CMIP: variants seen among roughly 807,000 people sequenced by gnomAD.
The protein encoded by CMIP is C-Maf-inducing protein.
A neutral mutation model predicts 97.3 loss-of-function variants in CMIP; 13 were observed. The ratio of observed to expected loss-of-function variants is 0.13; its 90% CI spans 0.09 to 0.21. The LOEUF (loss-of-function observed/expected upper bound fraction) is 0.21, where lower values mean the gene tolerates loss of function less well. Among genes scored for constraint, CMIP ranks in the 10% least tolerant of loss-of-function variants. The pLI, the probability that CMIP is intolerant of heterozygous loss-of-function variation, is 1.00. For synonymous variants in CMIP, 538 were observed against 436.3 expected (o/e 1.23, Z -2.91); for missense variants, 847 against 1,024.9 (o/e 0.83, Z 2.37).
intron 1 of CMIP, among the ~76,000 whole-genome samples, chr16:81,567,925 T>G (rs2091011367): frequency 6.6e-6 from 1 of 152,116 alleles, no homozygotes; most frequent in Admixed American, 6.5e-5. Context: ...TAATGTTTCA[T>G]TCTCCAGGCT....
intron 1 of CMIP, among the ~76,000 whole-genome samples, chr16:81,449,109 C>T (rs1906048046): frequency 6.6e-6 from 1 of 152,248 alleles, no homozygotes; most frequent in Non-Finnish European, 1.5e-5. Flanking sequence ...GTTTCTTCTG[C>T]ACCACAGAAG....
intron 1 of CMIP, among the ~76,000 whole-genome samples, chr16:81,604,626 G>A (rs1033121665): frequency 2.0e-5 from 3 of 152,078 alleles, no homozygotes; most frequent in African/African-American, 7.2e-5. Context: ...CTTGAACACG[G>A]GAGGCAGAAG....
At chr16:81,546,734 G>C (rs1342429018) in intron 1 of CMIP, among the ~76,000 whole-genome samples, 2 of 152,320 alleles carry the variant, frequency 1.3e-5, no homozygotes, top group South Asian at 2.1e-4. Context: ...TCTTGTTCAG[G>C]GGGTGTGGAG....
At chr16:81,461,643 A>G (rs1906902484) in intron 1 of CMIP, among the ~76,000 whole-genome samples, 1 of 152,104 alleles carries the variant, frequency 6.6e-6, no homozygotes, top group African/African-American at 2.4e-5. Context: ...ATTTTTTTGA[A>G]GCCTTCTCCA....
chr16:81,647,152 G>A (rs1052544464), intron 3 of CMIP, among the ~76,000 whole-genome samples: 2 of 152,276 alleles, frequency 1.3e-5, no homozygotes, highest in East Asian at 1.9e-4. Context: ...AGCCATCCTC[G>A]TAGGACGAAG....
intron 1 of CMIP, among the ~76,000 whole-genome samples, chr16:81,469,602 C>T (rs1907404561): frequency 6.6e-6 from 1 of 152,156 alleles, no homozygotes; most frequent in Admixed American, 6.5e-5. Context: ...GAGGGCTTCC[C>T]AGGGCAGGTG....
chr16:81,583,262 G>A (rs1467684522), intron 1 of CMIP, among the ~76,000 whole-genome samples: 3 of 152,232 alleles, frequency 2.0e-5, no homozygotes, highest in Middle Eastern at 3.2e-3. Context: ...TGGGCCTCAT[G>A]TCTGTGCGAA....
intron 1 of CMIP, among the ~76,000 whole-genome samples, chr16:81,593,953 C>T (rs940060084): frequency 1.5e-4 from 22 of 150,148 alleles, no homozygotes; most frequent in African/African-American, 5.2e-4. Flanking sequence ...CTTACCTTCC[C>T]CCTACCATAC....
At chr16:81,681,283 C>G (rs981829201) in intron 10 of CMIP, among the ~76,000 whole-genome samples, 5 of 152,244 alleles carry the variant, frequency 3.3e-5, no homozygotes, top group Admixed American at 6.5e-5. Flanking sequence ...AAGTTGCTGG[C>G]TCATTGGAGG....
intron 1 of CMIP, among the ~76,000 whole-genome samples, chr16:81,526,863 T>C (rs2090143141): frequency 6.6e-6 from 1 of 152,226 alleles, no homozygotes; most frequent in Non-Finnish European, 1.5e-5. Context: ...GCCCTGAGCC[T>C]CTCTCTACCC....
intron 7 of CMIP, among the ~76,000 whole-genome samples, chr16:81,668,983 C>A (rs936331381): frequency 2.7e-5 from 4 of 148,604 alleles, no homozygotes; most frequent in Non-Finnish European, 6.0e-5. Context: ...CTTCCACACC[C>A]ACCTCACACT....
chr16:81,576,130 G>T (rs189305340), intron 1 of CMIP, among the ~76,000 whole-genome samples: 14 of 152,124 alleles, frequency 9.2e-5, no homozygotes, highest in Admixed American at 2.0e-4. Context: ...GCGTCTAGGC[G>T]CAGTGGCTCA....
intron 3 of CMIP, among the ~76,000 whole-genome samples, chr16:81,623,863 A>G (rs1171375783): frequency 5.3e-5 from 8 of 152,168 alleles, no homozygotes; most frequent in East Asian, 1.9e-4. Flanking sequence ...TAAGCAGGTA[A>G]TAGAACCAAG....
intron 1 of CMIP, among the ~76,000 whole-genome samples, chr16:81,590,293 T>G (rs1406540585): frequency 6.6e-6 from 1 of 152,176 alleles, no homozygotes; most frequent in Non-Finnish European, 1.5e-5. Context: ...TTCCTGGTAT[T>G]CTCTTGAAGG....
Position 81,678,507 on chromosome 16 carries a change from G to A in CMIP, c.1267G>A (p.Asp423Asn), listed in dbSNP as rs781118185. 7.5e-6 allele frequency: 12 copies of A among 1,601,608 alleles called. No homozygotes were observed. Among genetic ancestry groups the A allele is most frequent in the African/African-American group, 2.7e-5 (2 of 74,758 alleles). Residue 423 changes from aspartate (D) to asparagine (N), a missense_variant, in exon 10 of 21, where the codon GAC (aspartate) becomes AAC (asparagine). Physicochemically the swap from Asp to Asn is conservative, Grantham distance 23 (BLOSUM62 1). Transcript: ENST00000537098. ...KPALTASAGNDSEPNLIDCLM... is the reference protein window; with the variant it reads ...KPALTASAGNNSEPNLIDCLM... The stretch of plus-strand genomic sequence containing the variant: ...GGCGCTGACGGCCAGCGCAGGCAAC[G>A]ACAGCGAGCCCAACCTCATCGACTG...
intron 1 of CMIP, among the ~76,000 whole-genome samples, chr16:81,595,365 G>A (rs984638963): frequency 4.0e-5 from 6 of 150,008 alleles, no homozygotes; most frequent in Admixed American, 2.0e-4. Flanking sequence ...TTTGCTTTGT[G>A]TAATACTTTC....
chr16:81,555,508 C>T (rs1597553348), intron 1 of CMIP, among the ~76,000 whole-genome samples: 1 of 152,226 alleles, frequency 6.6e-6, no homozygotes, highest in Non-Finnish European at 1.5e-5. Context: ...GTGTGCACAA[C>T]AAAAGGGTCT....
At chr16:81,644,488 G>A (rs183397246) in intron 3 of CMIP, among the ~76,000 whole-genome samples, 1 of 152,278 alleles carries the variant, frequency 6.6e-6, no homozygotes, top group Admixed American at 6.5e-5. Context: ...GGGCAGTTTG[G>A]GGGTAACACC....
chr16:81,559,364 T>C (rs2090831920), intron 1 of CMIP, among the ~76,000 whole-genome samples: 1 of 152,184 alleles, frequency 6.6e-6, no homozygotes, highest in South Asian at 2.1e-4. Context: ...TGTGCCTCTT[T>C]ATTGAAAGCC....
Sources: gnomAD v4.1 joint callset for allele counts (sites outside exome capture counted in the v4.1 genomes callset) on GRCh38, gnomAD v4.1.1 for gene constraint, MANE v1.5 for transcripts, NCBI Gene and HGNC (gene_info 2026-07-23, HGNC 2026-07-21) for gene names.